The following KANSL2 variants were observed in gnomAD, a reference collection of about 807,000 sequenced individuals.
KANSL2 encodes NSL complex protein NSL2.
Under a neutral mutation model 55.6 loss-of-function variants are expected in KANSL2, and 34 were observed. The observed-to-expected ratio is 0.61, with a 90% CI of 0.46 to 0.81. The LOEUF is 0.81. Ranked by LOEUF, KANSL2 falls within the 40% of genes least tolerant of loss-of-function variation. The probability of loss-of-function intolerance (pLI) is 0.00; values close to 1 mark genes in which losing one functional copy is unlikely to be tolerated. For synonymous variants in KANSL2, 209 were observed against 214.3 expected (o/e 0.98, Z 0.22); for missense variants, 502 against 609.9 (o/e 0.82, Z 1.86).
intron 8 of KANSL2, among the ~76,000 whole-genome samples, chr12:48,659,354 C>T (rs1250738380): frequency 6.6e-6 from 1 of 151,416 alleles, no homozygotes; most frequent in Admixed American, 6.6e-5. Context: ...AATCCCAGCA[C>T]TTTGGGAGGC....
chr12:48,676,487 G>A (rs910531656), intron 4 of KANSL2, among the ~76,000 whole-genome samples: 1 of 152,014 alleles, frequency 6.6e-6, no homozygotes, highest in Admixed American at 6.6e-5. Context: ...GAGAAACCCC[G>A]TCTCTACTAA....
At chr12:48,670,060 G>A (rs953747019) in intron 5 of KANSL2, among the ~76,000 whole-genome samples, 2 of 152,064 alleles carry the variant, frequency 1.3e-5, no homozygotes, top group Middle Eastern at 3.4e-3. Flanking sequence ...AATTAGCTGG[G>A]CGTGGTGGCA....
intron 8 of KANSL2, among the ~76,000 whole-genome samples, chr12:48,655,400 C>A (rs1414826200): frequency 6.6e-6 from 1 of 152,074 alleles, no homozygotes; most frequent in Non-Finnish European, 1.5e-5. Context: ...GAAACCCCGT[C>A]TCTACAAAAA....
chr12:48,682,120 G>A (rs1051132190), intron 1 of KANSL2, 67 bp downstream of exon 1: 1 of 702,852 alleles, frequency 1.4e-6, no homozygotes, highest in African/African-American at 1.7e-5. Flanking sequence ...GCAGCTCTGA[G>A]CTGACAAAAA....
In KANSL2 at chr12:48,669,050, A is replaced by G. The variant is rs1043010444; in HGVS notation, c.876+56T>C. The G allele has an allele frequency of 5.8e-6, 8 of 1,369,550 alleles. No individual in the cohort carries two copies. In the African/African-American group the frequency reaches 1.2e-4, roughly 21 times the overall value. 84.8% of individuals were successfully genotyped at this position (1,369,550 alleles called of 1,614,324 possible). ...CAGTGCGAGACTCCGTCTCGAAAAA[A>G]TAAAAACAATAAATAAAGTGAACGT... On this transcript the variant is annotated intron_variant, in intron 6 of 9. Transcript: ENST00000420613.
At chr12:48,675,632 G>A (rs1034199269) in intron 4 of KANSL2, among the ~76,000 whole-genome samples, 1 of 152,180 alleles carries the variant, frequency 6.6e-6, no homozygotes, top group Non-Finnish European at 1.5e-5. Flanking sequence ...CCAATGGTCT[G>A]GAACTGAAAT....
intron 8 of KANSL2, among the ~76,000 whole-genome samples, chr12:48,655,344 A>G (rs539884457): frequency 7.0e-4 from 106 of 152,242 alleles, no homozygotes; most frequent in African/African-American, 2.4e-3. Context: ...CAAGGTAGGC[A>G]TATCACTTGA....
rs1939334656 is a variant in KANSL2 at position 48,654,241 on chromosome 12, A to C, written c.1348-66T>G. ...CACTGTGGTCTGAAGTATGAATCTG[A>C]CTTATCAGTGGCCACTTAAACTAGC... On this transcript the variant is annotated intron_variant, in intron 9 of 9. Transcript: ENST00000420613. 2.0e-6 allele frequency: 3 copies of C among 1,502,008 alleles called. No individual in the cohort carries two copies. In the South Asian group the frequency reaches 3.7e-5, roughly 18 times the overall value. 93.0% of individuals were successfully genotyped at this position (1,502,008 alleles called of 1,614,324 possible). A position where few individuals can be genotyped will look rare whatever the true frequency, so the allele number is the denominator to read the frequency against.
At chr12:48,662,266 G>A (rs921004769) in intron 7 of KANSL2, among the ~76,000 whole-genome samples, 2 of 152,068 alleles carry the variant, frequency 1.3e-5, no homozygotes, top group African/African-American at 2.4e-5. Flanking sequence ...CATCACACCC[G>A]GCTGATTTTT....
chr12:48,677,096 G>A (rs1939835093), intron 4 of KANSL2, among the ~76,000 whole-genome samples: 1 of 152,160 alleles, frequency 6.6e-6, no homozygotes, highest in South Asian at 2.1e-4. Context: ...CATAAATTTA[G>A]TGGGTCTAAA....
chr12:48,680,155 G>A, intron 2 of KANSL2: 1 of 198,970 alleles, frequency 5.0e-6, no homozygotes, highest in Non-Finnish European at 1.0e-5. Context: ...AAACTGCTTG[G>A]TTCAAGCGAT....
Position 48,655,007 on chromosome 12 carries a change from A to G in KANSL2, c.1281T>C (p.Phe427=), listed in dbSNP as rs1345969971. 23 of 1,587,958 alleles carry G rather than the reference A, an allele frequency of 1.4e-5. No homozygotes were observed. Among genetic ancestry groups the G allele is most frequent in the Non-Finnish European group, 2.0e-5 (23 of 1,166,754 alleles). ...GMQCPPSPLL[F]DPSLTLEDHL... ...GATCTTCAAGGGTTAGTGAAGGATC[A>G]AAAAGCAAAGGTGAAGGAGGACACT... Residue 427 remains phenylalanine (F), a synonymous_variant, in exon 9 of 10, where the codon TTT becomes TTC. Coordinates refer to ENST00000420613, the MANE Select transcript of KANSL2 (RefSeq NM_017822.4).
Position 48,660,371 on chromosome 12 carries a change from T to C in KANSL2, c.1222A>G (p.Ser408Gly), listed in dbSNP as rs1332465009. The C allele has an allele frequency of 6.2e-7, 1 of 1,613,682 alleles. No individual in the cohort carries two copies. The highest frequency in any genetic ancestry group is 8.5e-7 in the Non-Finnish European group (1 of 1,179,756). Residue 408 changes from serine to glycine, a missense_variant, in exon 8 of 10, where the codon AGT (serine) becomes GGT (glycine). Ser to Gly is a moderately conservative substitution (Grantham distance 56). Coordinates refer to ENST00000420613, the MANE Select transcript of KANSL2 (RefSeq NM_017822.4). ...QPTESLPLEF[S>G]DDLDVVGDGM... ...GCAGAGCTTCTCTAACTTACATCACTGAACTCCAGAGGTAAACTCTCAGTG... is the reference window on the plus strand; with the variant it reads ...GCAGAGCTTCTCTAACTTACATCACCGAACTCCAGAGGTAAACTCTCAGTG...
chr12:48,666,647 C>G (rs1238278733), intron 7 of KANSL2, among the ~76,000 whole-genome samples: 2 of 151,342 alleles, frequency 1.3e-5, no homozygotes, highest in East Asian at 1.9e-4. Context: ...GAGCCGAGAT[C>G]ACACCACTGC....
intron 8 of KANSL2, among the ~76,000 whole-genome samples, chr12:48,658,069 A>G (rs1939422225): frequency 6.6e-6 from 1 of 151,656 alleles, no homozygotes; most frequent in South Asian, 2.1e-4. Flanking sequence ...TGTCTCTACT[A>G]AAAATACAAA....
chr12:48,679,887 A>G lies in KANSL2; in HGVS notation c.252-54T>C, dbSNP rs1021968805. ...AAGTTCCTTCTTGAAAGCGTTCAAT[A>G]ATGTTCACAGTCCCTAATCTTTAAA... On this transcript the variant is annotated intron_variant, in intron 2 of 9. Transcript: ENST00000420613. 2.9e-6 allele frequency: 4 copies of G among 1,374,816 alleles called. No homozygotes were observed. The African/African-American group carries it at 5.8e-5, about 20-fold the overall frequency. The allele number at this position is 1,374,816 out of a possible 1,614,324, so 85.2% of individuals were successfully genotyped here. A position where few individuals can be genotyped will look rare whatever the true frequency, so the allele number is the denominator to read the frequency against.
chr12:48,660,084 T>C (rs1939460407), intron 8 of KANSL2, among the ~76,000 whole-genome samples: 1 of 152,146 alleles, frequency 6.6e-6, no homozygotes, highest in Non-Finnish European at 1.5e-5. Flanking sequence ...TTGCGTAACT[T>C]TGCGAATATA....
At chr12:48,670,712 T>A (rs1348996504) in intron 5 of KANSL2, among the ~76,000 whole-genome samples, 1 of 151,672 alleles carries the variant, frequency 6.6e-6, no homozygotes, top group East Asian at 1.9e-4. Flanking sequence ...ATGCCTGTAA[T>A]CAATCCCAGC....
At position 48,679,673 on chromosome 12, in the gene KANSL2, C is replaced by T. The variant is rs906991484; in HGVS notation, c.412G>A (p.Glu138Lys). The T allele has an allele frequency of 6.2e-7, 1 of 1,613,600 alleles. No individual in the cohort carries two copies. Among genetic ancestry groups the T allele is most frequent in the African/African-American group, 1.3e-5 (1 of 75,030 alleles). Residue 138 changes from glutamate to lysine, a missense_variant, in exon 3 of 10, where the codon GAA becomes AAA. Glu to Lys is a moderately conservative substitution (Grantham distance 56). Transcript: ENST00000420613. ...TCCTTACCTAGTATTCGGCTGGCTT[C>T]ACTGCGACTACTTTCTGGAGTCTGA... is the stretch of plus-strand genomic sequence containing the variant. ...GSQTPESSRS[E>K]ASRILDEDSW... is the part of the protein sequence containing the mutation.
Sources: gnomAD v4.1 joint callset for allele counts (sites outside exome capture counted in the v4.1 genomes callset) on GRCh38, gnomAD v4.1.1 for gene constraint, MANE v1.5 for transcripts, NCBI Gene and HGNC (gene_info 2026-07-23, HGNC 2026-07-21) for gene names.